Variants in EGFR observed in about 807,000 individuals in gnomAD.
EGFR encodes the protein avian erythroblastic leukemia viral (v-erb-b) oncogene homolog.
Under a neutral mutation model 143.0 loss-of-function variants are expected in EGFR, and 58 were observed. That is an observed-to-expected ratio of 0.41 (90% CI 0.33 to 0.50). The LOEUF is 0.50. Among genes scored for constraint, EGFR ranks in the 20% least tolerant of loss-of-function variants. The pLI is 0.39. For synonymous variants in EGFR, 613 were observed against 594.4 expected (o/e 1.03, Z -0.45); for missense variants, 1,307 against 1,579.0 (o/e 0.83, Z 2.92).
At chr7:55,125,504 C>T (rs1356794962) in intron 1 of EGFR, among the ~76,000 whole-genome samples, 1 of 152,194 alleles carries the variant, frequency 6.6e-6, no homozygotes, top group Non-Finnish European at 1.5e-5. Flanking sequence ...GGTGCCAGCT[C>T]CTCCCATAAA....
chr7:55,176,935 ATC>A (rs1314329057), intron 19 of EGFR, among the ~76,000 whole-genome samples: 5 of 147,690 alleles, frequency 3.4e-5, no homozygotes, highest in Non-Finnish European at 7.4e-5. Flanking sequence ...ATATATATAT[ATC>A]TCTCTCTAAA....
At chr7:55,061,326 G>A (rs1476965143) in intron 1 of EGFR, among the ~76,000 whole-genome samples, 1 of 152,186 alleles carries the variant, frequency 6.6e-6, no homozygotes, top group African/African-American at 2.4e-5. Flanking sequence ...GAAAGCAATT[G>A]TCCAAATGTG....
intron 1 of EGFR, chr7:55,119,427 A>T (rs529313042): frequency 6.6e-6 from 1 of 152,340 alleles, no homozygotes; most frequent in Admixed American, 6.5e-5. Context: ...TACATCCCCA[A>T]CAACCATCAA....
chr7:55,135,895 T>G (rs977822302), intron 1 of EGFR, among the ~76,000 whole-genome samples: 1 of 135,388 alleles, frequency 7.4e-6, no homozygotes, highest in Non-Finnish European at 1.7e-5. Context: ...TTTTTGTAAA[T>G]TTTTTACAGA....
In EGFR at chr7:55,174,020, G is replaced by A. The variant is rs1786479080; in HGVS notation, c.2161G>A (p.Gly721Ser). ...CAAAAAGATCAAAGTGCTGGGCTCC[G>A]GTGCGTTCGGCACGGTGTATAAGGT... The part of the protein sequence containing the change: ...EFKKIKVLGS[G>S]AFGTVYKGLW... Residue 721 changes from glycine to serine, a missense_variant, in exon 18 of 28, where the codon GGT becomes AGT. Around this residue, in one of 7 missense-constraint regions of EGFR, gnomAD observed 348 missense variants for 451.5 expected, o/e 0.77. Coordinates refer to ENST00000275493, the MANE Select transcript of EGFR (RefSeq NM_005228.5). The A allele has an allele frequency of 1.9e-6, 3 of 1,614,114 alleles. No individual in the cohort carries two copies. The highest frequency in any genetic ancestry group is 1.3e-5 in the African/African-American group (1 of 74,936).
Position 55,019,247 on chromosome 7 carries a change from A to G in EGFR, c.-31A>G, listed in dbSNP as rs1786362313. The G allele has an allele frequency of 3.4e-6, 5 of 1,463,130 alleles. No homozygotes were observed. Among genetic ancestry groups the G allele is most frequent in the Non-Finnish European group, 4.6e-6 (5 of 1,097,658 alleles). The allele number at this position is 1,463,130 out of a possible 1,614,324, so 90.6% of individuals were successfully genotyped here. ...CTGACTCCGTCCAGTATTGATCGGGAGAGCCGGAGCGAGCTCTTCGGGGAG... is the reference window on the plus strand; with the variant it reads ...CTGACTCCGTCCAGTATTGATCGGGGGAGCCGGAGCGAGCTCTTCGGGGAG... On this transcript the variant is annotated 5_prime_UTR_variant, in exon 1 of 28. Transcript: ENST00000275493.
At chr7:55,168,630 A>G (rs1302639307) in intron 15 of EGFR, 125 of 1,541,286 alleles carry the variant, frequency 8.1e-5, no homozygotes, top group Middle Eastern at 5.1e-4. Flanking sequence ...GACACTATTC[A>G]TTTGACATAT....
intron 1 of EGFR, among the ~76,000 whole-genome samples, chr7:55,059,563 A>G (rs1789045500): frequency 6.6e-6 from 1 of 151,860 alleles, no homozygotes; most frequent in African/African-American, 2.4e-5. Context: ...TGCATTCACC[A>G]TTACTATATC....
At position 55,192,861 on chromosome 7, in the gene EGFR, CTAA is replaced by C. The variant is rs761773849; in HGVS notation, c.2701+22_2701+24del. 1 of 1,611,790 alleles carries C rather than the reference CTAA, an allele frequency of 6.2e-7. No individual in the cohort carries two copies. Among genetic ancestry groups the C allele is most frequent in the Non-Finnish European group, 8.5e-7 (1 of 1,177,880 alleles). ...GCTACGGTGAGTCATAATCCTGATGCTAATGAGTTTGTACTGAGGCCAAGCTGG... is the reference window on the plus strand; with the variant it reads ...GCTACGGTGAGTCATAATCCTGATGCTGAGTTTGTACTGAGGCCAAGCTGG... On this transcript the variant is annotated intron_variant, in intron 22 of 27. Coordinates refer to ENST00000275493, the MANE Select transcript of EGFR (RefSeq NM_005228.5).
intron 20 of EGFR, among the ~76,000 whole-genome samples, 163 bp from the exon 21 acceptor site, chr7:55,191,556 A>C (rs540348232): frequency 2.0e-5 from 3 of 152,234 alleles, no homozygotes; most frequent in East Asian, 1.9e-4. Flanking sequence ...ATCTTCTTTC[A>C]TGCGCCTTTC....
At chr7:55,195,718 G>C (rs185427055) in intron 22 of EGFR, among the ~76,000 whole-genome samples, 2 of 152,222 alleles carry the variant, frequency 1.3e-5, no homozygotes, top group Admixed American at 1.3e-4. Context: ...TCCCCTCTAA[G>C]TGTCCATGTG....
chr7:55,066,584 G>A (rs150457528), intron 1 of EGFR, among the ~76,000 whole-genome samples: 2,293 of 152,316 alleles, frequency 0.015, 55 homozygotes, highest in African/African-American at 0.052. Flanking sequence ...TTTCACTGTC[G>A]AGTTTGGTTT....
chr7:55,089,773 C>T (rs1003390708), intron 1 of EGFR, among the ~76,000 whole-genome samples: 4 of 152,050 alleles, frequency 2.6e-5, no homozygotes, highest in African/African-American at 9.7e-5. Context: ...CCTAACCTGC[C>T]GGAGCCCATG....
intron 14 of EGFR, among the ~76,000 whole-genome samples, chr7:55,164,029 C>G (rs1188105507): frequency 1.3e-5 from 2 of 152,236 alleles, no homozygotes; most frequent in Admixed American, 6.5e-5. Flanking sequence ...AACATTCACT[C>G]TTTCTGCTGA....
At chr7:55,068,065 TGTGCATACGTGTGTGTGTGTGCACAG>T (rs1293991026) in intron 1 of EGFR, among the ~76,000 whole-genome samples, 1 of 117,832 alleles carries the variant, frequency 8.5e-6, no homozygotes, top group African/African-American at 3.5e-5. Context: ...TATGTACGCG[TGTGCATACGTGTGTGTGTGTGCACAG>T]GTGTGTATGT....
intron 1 of EGFR, among the ~76,000 whole-genome samples, chr7:55,096,906 T>C (rs1376484112): frequency 6.6e-6 from 1 of 152,154 alleles, no homozygotes; most frequent in Non-Finnish European, 1.5e-5. Context: ...CTAGCACATG[T>C]GCTTGGGGAA....
intron 1 of EGFR, among the ~76,000 whole-genome samples, chr7:55,049,140 T>C (rs917870168): frequency 3.3e-5 from 5 of 152,354 alleles, no homozygotes; most frequent in Admixed American, 6.5e-5. Flanking sequence ...TTACAGGATT[T>C]TTTATACTCA....
chr7:55,109,119 T>C (rs1257852344), intron 1 of EGFR, among the ~76,000 whole-genome samples: 1 of 152,204 alleles, frequency 6.6e-6, no homozygotes, highest in East Asian at 1.9e-4. Flanking sequence ...AAGAAGAATT[T>C]ATTGCCTCCT....
chr7:55,123,202 T>C (rs1279011897), intron 1 of EGFR, among the ~76,000 whole-genome samples: 1 of 152,204 alleles, frequency 6.6e-6, no homozygotes, highest in East Asian at 1.9e-4. Context: ...GGGAAGAAAA[T>C]GTGATATGTG....
Sources: allele counts gnomAD v4.1 joint callset (sites outside exome capture counted in the v4.1 genomes callset), GRCh38; gene constraint gnomAD v4.1.1; regional missense constraint gnomAD v4.1.1; transcripts MANE v1.5; gene names NCBI Gene and HGNC (gene_info 2026-07-23, HGNC 2026-07-21).